Variants in DNAI7 observed in about 807,000 individuals in gnomAD.
The protein encoded by DNAI7 is dynein axonemal intermediate chain 7.
In DNAI7, 78 loss-of-function variants were observed where a neutral mutation model predicts 86.6. The ratio of observed to expected loss-of-function variants is 0.90; its 90% CI spans 0.75 to 1.09. DNAI7 has a LOEUF of 1.09. Among genes scored for constraint, DNAI7 ranks in the 50% least tolerant of loss-of-function variants. The pLI is 0.00. For synonymous variants in DNAI7, 274 were observed against 273.0 expected (o/e 1.00, Z -0.04); for missense variants, 753 against 810.2 (o/e 0.93, Z 0.86).
intron 2 of DNAI7, among the ~76,000 whole-genome samples, chr12:25,176,577 A>T (rs1047605855): frequency 6.6e-6 from 1 of 151,950 alleles, no homozygotes; most frequent in Non-Finnish European, 1.5e-5. Context: ...TTTAATTTTT[A>T]TAAATATGTG....
rs1938881502 is a variant in DNAI7, at chr12:25,111,784, AATAAC to A, written c.1762_1766del (p.Val588TyrfsTer4). ...GATTCATTCTTGCCTTATTGTTTAT[AATAAC>A]ATAAAAATGAGAGTGTCTAGTAGGA... is the stretch of plus-strand genomic sequence containing the variant. On this transcript the variant is annotated frameshift_variant, in exon 14 of 16. Transcript: ENST00000395987. LOFTEE classifies it high-confidence loss of function. The A allele has an allele frequency of 1.3e-6, 2 of 1,581,104 alleles. No individual in the cohort carries two copies. Among genetic ancestry groups the A allele is most frequent in the Admixed American group, 3.8e-5 (2 of 52,826 alleles).
chr12:25,193,661 G>T (rs1950741414), intron 1 of DNAI7, among the ~76,000 whole-genome samples: 1 of 143,510 alleles, frequency 7.0e-6, no homozygotes, highest in South Asian at 2.5e-4. Flanking sequence ...GCCACACTTT[G>T]AGAAACATTG....
chr12:25,153,056 C>T (rs957056635), intron 6 of DNAI7, among the ~76,000 whole-genome samples: 7 of 152,116 alleles, frequency 4.6e-5, no homozygotes, highest in African/African-American at 1.4e-4. Flanking sequence ...TGCCTGTCAA[C>T]TGCTCTTTCA....
At chr12:25,114,049 G>C (rs11047845) in intron 13 of DNAI7, among the ~76,000 whole-genome samples, 1 of 146,756 alleles carries the variant, frequency 6.8e-6, no homozygotes, top group Non-Finnish European at 1.5e-5. Context: ...AGGTTCAAGC[G>C]ATTCTTTTGC....
intron 9 of DNAI7, among the ~76,000 whole-genome samples, chr12:25,136,514 C>T (rs1943572034): frequency 6.6e-6 from 1 of 152,052 alleles, no homozygotes; most frequent in Admixed American, 6.5e-5. Flanking sequence ...TTAACACCCC[C>T]AAAAGATCAC....
In DNAI7 at chr12:25,172,168, C is replaced by T. The variant is rs1192251939; in HGVS notation, c.22-10971G>A. 2.0e-5 allele frequency among the ~76,000 whole-genome samples: 3 copies of T among 152,018 alleles called. No individual in the cohort carries two copies. In the East Asian group the frequency reaches 5.8e-4, roughly 29 times the overall value. On this transcript the variant is annotated intron_variant, in intron 2 of 15. Transcript: ENST00000395987. ...GCATCCAAATTGGTAAAGAGGAACTCGAACTGTCACTGTTTGCTGGCAATA... is the reference window on the plus strand; with the variant it reads ...GCATCCAAATTGGTAAAGAGGAACTTGAACTGTCACTGTTTGCTGGCAATA...
intron 6 of DNAI7, among the ~76,000 whole-genome samples, chr12:25,151,595 C>T (rs1271858536): frequency 1.3e-5 from 2 of 152,218 alleles, no homozygotes; most frequent in East Asian, 3.8e-4. Flanking sequence ...CTTCCCACTG[C>T]CTCCCTGCTA....
At chr12:25,109,350 C>T (rs1949582440) in intron 15 of DNAI7, among the ~76,000 whole-genome samples, 1 of 152,114 alleles carries the variant, frequency 6.6e-6, no homozygotes, top group South Asian at 2.1e-4. Flanking sequence ...AGGAGAGGGG[C>T]TGTAAGTCAC....
At chr12:25,154,825 C>T (rs1945963369) in intron 5 of DNAI7, among the ~76,000 whole-genome samples, 1 of 152,198 alleles carries the variant, frequency 6.6e-6, no homozygotes, top group South Asian at 2.1e-4. Context: ...CTAGTTGCCA[C>T]TGGCATTTTA....
In DNAI7 at chr12:25,149,768, CAATT is replaced by C; in HGVS notation, c.441_444del (p.Ile148ArgfsTer3). The C allele has an allele frequency of 6.7e-7, 1 of 1,492,980 alleles. No homozygotes were observed. The highest frequency in any genetic ancestry group is 1.2e-5 in the South Asian group (1 of 85,734). The allele number at this position is 1,492,980 out of a possible 1,614,324, so 92.5% of individuals were successfully genotyped here. A position where few individuals can be genotyped will look rare whatever the true frequency, so the allele number is the denominator to read the frequency against. ...TCCAGTAAAATAAATTTCAATTTCTCAATTAACTGTAAAGTAAAAGAATATTTGC... is the reference window on the plus strand; with the variant it reads ...TCCAGTAAAATAAATTTCAATTTCTCAACTGTAAAGTAAAAGAATATTTGC... On this transcript the variant is annotated frameshift_variant and splice_region_variant, in exon 7 of 16. Coordinates refer to ENST00000395987, the MANE Select transcript of DNAI7 (RefSeq NM_018272.5). LOFTEE classifies it high-confidence loss of function.
rs965175661 is a variant in DNAI7, at chr12:25,110,191, G to A, written c.1829C>T (p.Ser610Phe). 2 of 1,612,864 alleles carry A rather than the reference G, an allele frequency of 1.2e-6. No individual in the cohort carries two copies. The highest frequency in any genetic ancestry group is 1.1e-5 in the South Asian group (1 of 91,044). Residue 610 changes from serine (S) to phenylalanine (F), a missense_variant, in exon 15 of 16, where the codon TCT becomes TTT. By Grantham distance (155) the Ser-to-Phe change is radical. Transcript: ENST00000395987. ...KAYRQMALLS[S>F]AFAFGWSKWN... Reference sequence around the variant, plus strand: ...CTTGCTCCAACCAAATGCAAAAGCAGAACTTAGTAGGGCCATCTGTCGATA... The same window carrying A: ...CTTGCTCCAACCAAATGCAAAAGCAAAACTTAGTAGGGCCATCTGTCGATA...
intron 2 of DNAI7, among the ~76,000 whole-genome samples, chr12:25,181,684 G>GAA (rs200286138): frequency 2.0e-5 from 3 of 149,272 alleles, no homozygotes; most frequent in Non-Finnish European, 4.5e-5. Flanking sequence ...AACTTAATAA[G>GAA]AAAAAAAAAG....
rs1188870241 is a variant in DNAI7, at chr12:25,174,415, G to T, written c.22-13218C>A. Among the ~76,000 whole-genome samples the T allele has an allele frequency of 3.3e-4, 3 of 9,138 alleles. 1 individual carries two copies. The highest frequency in any genetic ancestry group is 5.3e-4 in the Non-Finnish European group (3 of 5,696). The allele number at this position is 9,138 out of a possible 152,430, so 6.0% of individuals were successfully genotyped here. A position where few individuals can be genotyped will look rare whatever the true frequency, so the allele number is the denominator to read the frequency against. ...ATATATCATATATATGGGATATATG[G>T]GATATATATATCATATATATCATAT... On this transcript the variant is annotated intron_variant, in intron 2 of 15. Coordinates refer to ENST00000395987, the MANE Select transcript of DNAI7 (RefSeq NM_018272.5).
intron 8 of DNAI7, among the ~76,000 whole-genome samples, chr12:25,146,460 G>A (rs916561230): frequency 6.6e-6 from 1 of 150,886 alleles, no homozygotes; most frequent in Admixed American, 6.6e-5. Flanking sequence ...TTAGCCAGGT[G>A]TGGTGGCGTG....
rs761174809 is a variant in DNAI7 at position 25,155,313 on chromosome 12, G to C, written c.298C>G (p.Gln100Glu). ...TAAAAAAGAGAAATCAGTCCTACCT[G>C]AGAAAGCAATTTAGTTTCCTGTTTC... ...KLKQETKLLS[Q>E]WKHYIQCDGS... The change falls in exon 5 of 16, where the codon CAG becomes GAG. Residue 100 changes from glutamine to glutamate, a missense_variant and splice_region_variant. Gln to Glu is a conservative substitution (Grantham distance 29, BLOSUM62 2). Transcript: ENST00000395987. 3.2e-6 allele frequency: 5 copies of C among 1,569,576 alleles called. No homozygotes were observed. Among genetic ancestry groups the C allele is most frequent in the Non-Finnish European group, 4.4e-6 (5 of 1,142,868 alleles).
intron 2 of DNAI7, among the ~76,000 whole-genome samples, chr12:25,163,310 C>G (rs2141050482): frequency 6.6e-6 from 1 of 152,122 alleles, no homozygotes; most frequent in East Asian, 1.9e-4. Context: ...TGACATTCCG[C>G]CACAAAAAAA....
intron 9 of DNAI7, among the ~76,000 whole-genome samples, chr12:25,141,713 CCA>C (rs1944211386): frequency 6.6e-6 from 1 of 152,082 alleles, no homozygotes; most frequent in Admixed American, 6.6e-5. Flanking sequence ...GCCGGCAATC[CCA>C]GCTACTCAGG....
At chr12:25,146,696 G>A (rs1416850914) in intron 8 of DNAI7, among the ~76,000 whole-genome samples, 2 of 152,076 alleles carry the variant, frequency 1.3e-5, no homozygotes, top group African/African-American at 4.8e-5. Context: ...GGTATTTAAT[G>A]AGTGTATATT....
At chr12:25,194,901 A>T in intron 1 of DNAI7, 175 bp downstream of exon 1, 2 of 1,614,138 alleles carry the variant, frequency 1.2e-6, no homozygotes, top group Non-Finnish European at 1.7e-6. Context: ...CGCCTGGTCC[A>T]GGTAAGGAAA....
Sources: allele counts gnomAD v4.1 joint callset (sites outside exome capture counted in the v4.1 genomes callset), GRCh38; gene constraint gnomAD v4.1.1; transcripts MANE v1.5; gene names NCBI Gene and HGNC (gene_info 2026-07-23, HGNC 2026-07-21).